DYNC2H1: variants seen among roughly 807,000 people sequenced by gnomAD.
DYNC2H1 encodes dynein cytoplasmic 2 heavy chain 1.
DYNC2H1 carries 410 observed loss-of-function variants against 570.0 expected under a neutral mutation model. The ratio of observed to expected loss-of-function variants is 0.72; its 90% confidence interval spans 0.66 to 0.78. The LOEUF is 0.78. DYNC2H1 is among the 30% of genes least tolerant of loss of function. The pLI, the probability that DYNC2H1 is intolerant of heterozygous loss-of-function variation, is 0.00. For missense variants in DYNC2H1, 4,865 were observed against 5,046.4 expected (o/e 0.96, Z 1.09); for synonymous variants, 1,688 against 1,677.6 (o/e 1.01, Z -0.15).
At chr11:103,393,430 A>T (rs1942257708) in intron 83 of DYNC2H1, among the ~76,000 whole-genome samples, 1 of 152,218 alleles carries the variant, frequency 6.6e-6, no homozygotes, top group Non-Finnish European at 1.5e-5. Flanking sequence ...ACTTTCCTAG[A>T]AATAAAAATT....
At position 103,122,933 on chromosome 11, in the gene DYNC2H1, C is replaced by A; in HGVS notation, c.1594C>A (p.Gln532Lys). The change falls in exon 11 of 89, where the codon CAG (glutamine) becomes AAG (lysine). Residue 532 changes from glutamine (Q) to lysine (K), a missense_variant. Gln to Lys is a moderately conservative substitution (Grantham distance 53, BLOSUM62 1). Around this residue, in one of 5 missense-constraint regions of DYNC2H1, gnomAD observed 1,936 missense variants for 1,962.1 expected, o/e 0.99. Transcript: ENST00000375735. ...CTTAGACCAGCTTAAACTATATGAACAGGAACAATTTGATGATTGGTCCAG... is the reference window on the plus strand; with the variant it reads ...CTTAGACCAGCTTAAACTATATGAAAAGGAACAATTTGATGATTGGTCCAG... ...DLLDQLKLYE[Q>K]EQFDDWSRDI... 1 of 1,610,492 alleles carries A rather than the reference C, an allele frequency of 6.2e-7. No individual in the cohort carries two copies. Among genetic ancestry groups the A allele is most frequent in the Non-Finnish European group, 8.5e-7 (1 of 1,177,964 alleles).
At chr11:103,301,331 T>C (rs1186003184) in intron 75 of DYNC2H1, among the ~76,000 whole-genome samples, 1 of 151,956 alleles carries the variant, frequency 6.6e-6, no homozygotes, top group East Asian at 1.9e-4. Context: ...GTTTCTTAAG[T>C]TATTCTAATT....
chr11:103,188,779 T>C, intron 44 of DYNC2H1, 131 bp downstream of exon 44: 1 of 733,250 alleles, frequency 1.4e-6, no homozygotes, highest in East Asian at 3.3e-5. Context: ...CTCTGATATT[T>C]TTTCCTACCC....
At chr11:103,282,148 AT>A (rs1866165010) in intron 71 of DYNC2H1, 30 bp from the exon 72 acceptor site, 2 of 1,592,598 alleles carry the variant, frequency 1.3e-6, no homozygotes, top group African/African-American at 1.4e-5. Flanking sequence ...TCATTTTTAT[AT>A]TTTTGTGTTC....
At chr11:103,332,980 G>A (rs1019970861) in intron 82 of DYNC2H1, among the ~76,000 whole-genome samples, 2 of 150,844 alleles carry the variant, frequency 1.3e-5, no homozygotes, top group Admixed American at 6.6e-5. Flanking sequence ...TCCAGCCCGG[G>A]AGACAGAGCA....
rs1445887867 is a variant in DYNC2H1 at position 103,109,609 on chromosome 11, T to G, written c.35T>G (p.Phe12Cys). 5.6e-6 allele frequency: 9 copies of G among 1,613,818 alleles called. No individual in the cohort carries two copies. Among genetic ancestry groups the G allele is most frequent in the Admixed American group, 1.7e-5 (1 of 60,008 alleles). Residue 12 changes from phenylalanine to cysteine, a missense_variant, in exon 1 of 89, where the codon TTC (phenylalanine) becomes TGC (cysteine). Phe to Cys is a radical substitution (Grantham distance 205). Around this residue, in one of 5 missense-constraint regions of DYNC2H1, gnomAD observed 1,936 missense variants for 1,962.1 expected, o/e 0.99. Coordinates refer to ENST00000375735, the MANE Select transcript of DYNC2H1 (RefSeq NM_001377.3). ...GGGACTGCGGACGTTCGGAAGCTCT[T>G]CATCTTCACTACTACCCAGAATTAC... ...ANGTADVRKL[F>C]IFTTTQNYFG...
At chr11:103,294,587 C>A (rs576613163) in intron 75 of DYNC2H1, among the ~76,000 whole-genome samples, 5 of 152,156 alleles carry the variant, frequency 3.3e-5, no homozygotes, top group Admixed American at 3.3e-4. Context: ...GATTCTTTCT[C>A]TATGCTGGGT....
intron 52 of DYNC2H1, among the ~76,000 whole-genome samples, chr11:103,206,082 A>G (rs1197793890): frequency 6.6e-6 from 1 of 152,136 alleles, no homozygotes; most frequent in East Asian, 1.9e-4. Context: ...ATCCAGAGAG[A>G]AAAGGATAGG....
chr11:103,422,533 A>G (rs1043108850), intron 84 of DYNC2H1, among the ~76,000 whole-genome samples: 7 of 152,180 alleles, frequency 4.6e-5, no homozygotes, highest in Non-Finnish European at 8.8e-5. Context: ...GGTTTGTTCA[A>G]CATATGCGAA....
intron 53 of DYNC2H1, 115 bp from the exon 54 acceptor site, chr11:103,211,674 A>T: frequency 2.3e-6 from 1 of 435,924 alleles, no homozygotes. Flanking sequence ...TCTCATATTT[A>T]TAACTATATA....
chr11:103,392,868 T>C (rs2135618942), intron 83 of DYNC2H1, among the ~76,000 whole-genome samples: 1 of 147,436 alleles, frequency 6.8e-6, no homozygotes, highest in East Asian at 2.0e-4. Flanking sequence ...TCTCTCACAC[T>C]CTTATATTCC....
intron 83 of DYNC2H1, among the ~76,000 whole-genome samples, chr11:103,390,892 G>C (rs1166695832): frequency 1.3e-5 from 2 of 152,124 alleles, no homozygotes; most frequent in Admixed American, 6.5e-5. Flanking sequence ...GCTTCCCTTT[G>C]TGGGTAACCC....
At chr11:103,367,696 A>C (rs1464497791) in intron 83 of DYNC2H1, among the ~76,000 whole-genome samples, 1 of 152,134 alleles carries the variant, frequency 6.6e-6, no homozygotes, top group Non-Finnish European at 1.5e-5. Context: ...GCAATAGAAC[A>C]CCAAAACTTA....
chr11:103,464,289 G>GA (rs1945122102), intron 87 of DYNC2H1, among the ~76,000 whole-genome samples: 1 of 152,036 alleles, frequency 6.6e-6, no homozygotes, highest in Non-Finnish European at 1.5e-5. Flanking sequence ...GTCTTTAAAT[G>GA]AAAAAATTGA....
At chr11:103,438,286 C>G (rs1036018215) in intron 85 of DYNC2H1, among the ~76,000 whole-genome samples, 2 of 152,040 alleles carry the variant, frequency 1.3e-5, no homozygotes, top group Non-Finnish European at 2.9e-5. Context: ...TGCTTTTCAT[C>G]TATTCAAGGG....
At chr11:103,455,512 A>C (rs1349529476) in intron 86 of DYNC2H1, among the ~76,000 whole-genome samples, 1 of 152,210 alleles carries the variant, frequency 6.6e-6, no homozygotes, top group East Asian at 1.9e-4. Context: ...ATTTAAAAAG[A>C]TAAAATGTAA....
At position 103,236,555 on chromosome 11, in the gene DYNC2H1, T is replaced by C. The variant is rs1346168158; in HGVS notation, c.9819+16T>C. The C allele has an allele frequency of 7.4e-7, 1 of 1,342,408 alleles. No homozygotes were observed. Among genetic ancestry groups the C allele is most frequent in the South Asian group, 1.3e-5 (1 of 75,524 alleles). 83.2% of individuals were successfully genotyped at this position (1,342,408 alleles called of 1,614,324 possible). On this transcript the variant is annotated intron_variant, in intron 63 of 88. Transcript: ENST00000375735. The stretch of plus-strand genomic sequence containing the variant: ...AATATTACAGGTAGTTAATTTATTT[T>C]AATTTTTTTATTAGAAATGTTTTAT...
intron 17 of DYNC2H1, among the ~76,000 whole-genome samples, chr11:103,137,818 A>T (rs1859660818): frequency 6.6e-6 from 1 of 151,818 alleles, no homozygotes; most frequent in Admixed American, 6.6e-5. Context: ...TACCTTGGGC[A>T]GTATGGCCAT....
intron 70 of DYNC2H1, among the ~76,000 whole-genome samples, chr11:103,263,077 A>T (rs866442090): frequency 5.3e-5 from 8 of 152,020 alleles, no homozygotes; most frequent in Middle Eastern, 6.8e-3. Context: ...CTCTGACAAA[A>T]CAGACTTTAA....
Sources: allele counts gnomAD v4.1 joint callset (sites outside exome capture counted in the v4.1 genomes callset), GRCh38; gene constraint gnomAD v4.1.1; regional missense constraint gnomAD v4.1.1; transcripts MANE v1.5; gene names NCBI Gene and HGNC (gene_info 2026-07-23, HGNC 2026-07-21).